The following ATRX variants were observed in gnomAD, a reference collection of about 807,000 sequenced individuals.
ATRX encodes chromatin remodeler ATRX.
In ATRX, 12 loss-of-function variants were observed where a neutral mutation model predicts 172.6. The observed-to-expected ratio is 0.07, with a 90% CI of 0.04 to 0.11. ATRX has a LOEUF of 0.11. Among genes scored for constraint, ATRX ranks in the 10% least tolerant of loss-of-function variants. The probability of loss-of-function intolerance (pLI) is 1.00; values close to 1 mark genes in which losing one functional copy is unlikely to be tolerated. For synonymous variants in ATRX, 674 were observed against 594.7 expected (o/e 1.13, Z -1.94); for missense variants, 1,368 against 1,767.4 (o/e 0.77, Z 4.05).
intron 1 of ATRX, among the ~76,000 whole-genome samples, chrX:77,771,373 C>CA (rs1166853044): frequency 0.049 from 3,756 of 76,405 alleles, 213 homozygotes; most frequent in African/African-American, 0.16. Flanking sequence ...GACTCCGTCT[C>CA]AAAAAAAAAA....
At chrX:77,687,388 A>T (rs2071639967) in intron 7 of ATRX, among the ~76,000 whole-genome samples, 1 of 111,478 alleles carries the variant, frequency 9.0e-6, no homozygotes, top group African/African-American at 3.3e-5. Flanking sequence ...ATGAGAGAAA[A>T]GGCTAACTTT....
intron 30 of ATRX, among the ~76,000 whole-genome samples, chrX:77,551,149 C>T: frequency 8.9e-6 from 1 of 111,847 alleles, no homozygotes; most frequent in Non-Finnish European, 1.9e-5. Context: ...AAAGACCCCG[C>T]ATTGCCAAGT....
chrX:77,626,831 T>C (rs927918065), intron 19 of ATRX, among the ~76,000 whole-genome samples: 12 of 112,763 alleles, frequency 1.1e-4, no homozygotes, highest in African/African-American at 3.9e-4. Flanking sequence ...GTATTACTTT[T>C]ATAATTTCTT....
chrX:77,520,920 A>G lies in ATRX; in HGVS notation c.7072-4T>C, dbSNP rs782248554. On this transcript the variant is annotated splice_polypyrimidine_tract_variant and splice_region_variant and intron_variant, in intron 33 of 34. Transcript: ENST00000373344. ...AGAGATTCATGTTCTCCTTCCACTA[A>G]AAGAAAAATTTTCTATTTACTCCTT... 1 of 1,204,400 alleles carries G rather than the reference A, an allele frequency of 8.3e-7. No homozygotes were observed. Among genetic ancestry groups the G allele is most frequent in the Non-Finnish European group, 1.1e-6 (1 of 889,221 alleles).
At chrX:77,655,248 T>G (rs1016657456) in intron 13 of ATRX, among the ~76,000 whole-genome samples, 4 of 110,542 alleles carry the variant, frequency 3.6e-5, no homozygotes, top group African/African-American at 1.3e-4. Flanking sequence ...AGCCATACAC[T>G]TAAAAATCGT....
At chrX:77,677,285 TTAAGGG>T (rs1482582584) in intron 9 of ATRX, among the ~76,000 whole-genome samples, 18 of 111,499 alleles carry the variant, frequency 1.6e-4, no homozygotes, top group African/African-American at 5.5e-4. Context: ...ATCAAAGATT[TTAAGGG>T]TATTATACTA....
At chrX:77,778,430 AAAG>A (rs2076434450) in intron 1 of ATRX, among the ~76,000 whole-genome samples, 2 of 107,151 alleles carry the variant, frequency 1.9e-5, no homozygotes, top group Non-Finnish European at 3.9e-5. Context: ...AAAAAAAAAA[AAAG>A]CACAATAGGC....
chrX:77,641,507 G>A (rs1950197365), intron 15 of ATRX, among the ~76,000 whole-genome samples: 1 of 108,078 alleles, frequency 9.3e-6, no homozygotes, highest in Non-Finnish European at 1.9e-5. Flanking sequence ...CTTGAACCCA[G>A]GAGGCGGAGG....
At chrX:77,548,829 A>G (rs1386986707) in intron 30 of ATRX, among the ~76,000 whole-genome samples, 2 of 112,165 alleles carry the variant, frequency 1.8e-5, no homozygotes, top group Non-Finnish European at 3.8e-5. Context: ...AAAGGGGAGA[A>G]CACTGCACAC....
chrX:77,613,275 A>G (rs1372580160), intron 22 of ATRX, among the ~76,000 whole-genome samples: 1 of 109,340 alleles, frequency 9.1e-6, no homozygotes, highest in Admixed American at 9.8e-5. Flanking sequence ...TTTTTTTTAT[A>G]ATGGCCACCA....
chrX:77,539,273 A>T (rs1261469736), intron 30 of ATRX, among the ~76,000 whole-genome samples: 2 of 111,198 alleles, frequency 1.8e-5, no homozygotes, highest in Admixed American at 9.6e-5. Flanking sequence ...GTAAGGAGTA[A>T]ATGAGACAAT....
intron 1 of ATRX, among the ~76,000 whole-genome samples, chrX:77,744,237 T>A (rs572547328): frequency 8.9e-6 from 1 of 112,174 alleles, no homozygotes; most frequent in Non-Finnish European, 1.9e-5. Flanking sequence ...GGATCACTTA[T>A]GCCCAGGACT....
intron 30 of ATRX, among the ~76,000 whole-genome samples, chrX:77,543,593 C>T (rs782417585): frequency 2.1e-4 from 23 of 111,641 alleles, no homozygotes; most frequent in African/African-American, 6.5e-4. Flanking sequence ...ATAAAGAAAA[C>T]GTGGCATATA....
At chrX:77,564,675 G>A (rs1205900725) in intron 28 of ATRX, among the ~76,000 whole-genome samples, 2 of 110,106 alleles carry the variant, frequency 1.8e-5, no homozygotes, top group Non-Finnish European at 3.8e-5. Flanking sequence ...GTGAGCCACC[G>A]AGCCCAGCTG....
intron 13 of ATRX, among the ~76,000 whole-genome samples, chrX:77,654,849 C>T (rs1416762206): frequency 8.9e-6 from 1 of 111,920 alleles, no homozygotes; most frequent in East Asian, 2.8e-4. Context: ...TTTCTACACC[C>T]ATGTTCAAAG....
intron 27 of ATRX, among the ~76,000 whole-genome samples, chrX:77,577,754 A>C (rs1221758088): frequency 8.9e-6 from 1 of 111,975 alleles, no homozygotes; most frequent in Admixed American, 9.5e-5. Flanking sequence ...ATACCAACTC[A>C]TTCAATCAGG....
intron 30 of ATRX, among the ~76,000 whole-genome samples, chrX:77,527,677 G>C (rs1310731348): frequency 9.0e-6 from 1 of 111,566 alleles, no homozygotes; most frequent in Non-Finnish European, 1.9e-5. Flanking sequence ...CTGAATACAG[G>C]GAGCCAAGCA....
chrX:77,689,730 TAG>T (rs1190171040), intron 6 of ATRX, among the ~76,000 whole-genome samples: 1 of 112,312 alleles, frequency 8.9e-6, no homozygotes, highest in Non-Finnish European at 1.9e-5. Flanking sequence ...AGCTAAACAT[TAG>T]AGTCATCTGA....
At chrX:77,758,617 G>C (rs1223433861) in intron 1 of ATRX, among the ~76,000 whole-genome samples, 1 of 109,579 alleles carries the variant, frequency 9.1e-6, no homozygotes, top group African/African-American at 3.3e-5. Flanking sequence ...AATTAGCCGG[G>C]TGTGGTGGCA....
Sources: allele counts gnomAD v4.1 joint callset (sites outside exome capture counted in the v4.1 genomes callset), GRCh38; gene constraint gnomAD v4.1.1; transcripts MANE v1.5; gene names NCBI Gene and HGNC (gene_info 2026-07-23, HGNC 2026-07-21).